Variants in DYM observed in about 807,000 individuals in gnomAD.
DYM encodes dymeclin.
DYM carries 78 observed loss-of-function variants against 93.1 expected under a neutral mutation model. The observed-to-expected ratio is 0.84, with a 90% CI of 0.70 to 1.01. The LOEUF is 1.01. DYM is among the 50% of genes least tolerant of loss of function. The probability of loss-of-function intolerance (pLI) is 0.00; values close to 1 mark genes in which losing one functional copy is unlikely to be tolerated. For synonymous variants in DYM, 321 were observed against 319.7 expected, an observed-to-expected ratio of 1.00 and a Z score of -0.04; for missense variants, 789 against 845.0, an observed-to-expected ratio of 0.93 and a Z score of 0.82.
chr18:49,410,512 C>T (rs961523184), intron 2 of DYM, among the ~76,000 whole-genome samples: 1 of 148,188 alleles, frequency 6.7e-6, no homozygotes, highest in Non-Finnish European at 1.5e-5. Context: ...AACACCACAA[C>T]CTCAAAAAAA....
At chr18:49,092,066 A>G (rs940284357) in intron 17 of DYM, among the ~76,000 whole-genome samples, 1 of 152,218 alleles carries the variant, frequency 6.6e-6, no homozygotes, top group Non-Finnish European at 1.5e-5. Context: ...TGTTTTATCA[A>G]ACTTTCATTT....
chr18:49,144,284 G>A (rs1431656462), intron 15 of DYM, among the ~76,000 whole-genome samples: 1 of 151,086 alleles, frequency 6.6e-6, no homozygotes, highest in Non-Finnish European at 1.5e-5. Context: ...GCTAAATTTA[G>A]AGGCTTGGTC....
At chr18:49,288,219 TAGA>T (rs1795254289) in intron 8 of DYM, among the ~76,000 whole-genome samples, 1 of 152,108 alleles carries the variant, frequency 6.6e-6, no homozygotes. Flanking sequence ...CTATAACTAA[TAGA>T]AGATTTTGGT....
intron 2 of DYM, chr18:49,413,169 T>A (rs768243054): frequency 2.0e-5 from 3 of 152,256 alleles, no homozygotes; most frequent in African/African-American, 4.8e-5. Context: ...AAGGAGACAG[T>A]GTGGCATGAT....
intron 13 of DYM, among the ~76,000 whole-genome samples, chr18:49,254,446 T>C (rs1189612393): frequency 6.6e-6 from 1 of 151,974 alleles, no homozygotes; most frequent in Non-Finnish European, 1.5e-5. Flanking sequence ...GTTATTCATA[T>C]TATGCTAACT....
chr18:49,307,837 T>G (rs1182691685), intron 8 of DYM, among the ~76,000 whole-genome samples: 2 of 152,200 alleles, frequency 1.3e-5, no homozygotes, highest in African/African-American at 4.8e-5. Context: ...CTATGAATCA[T>G]GGAACCAAAA....
At chr18:49,116,513 C>T (rs1443514537) in intron 16 of DYM, 1 of 152,096 alleles carries the variant, frequency 6.6e-6, no homozygotes, top group Admixed American at 6.5e-5. Context: ...TATAAAGTTG[C>T]CTTCATACAG....
intron 2 of DYM, 43 bp from the exon 3 acceptor site, chr18:49,391,688 T>C: frequency 6.7e-7 from 1 of 1,496,076 alleles, no homozygotes; most frequent in Non-Finnish European, 9.3e-7. Context: ...ACTATAATAC[T>C]AAATATGTAC....
intron 2 of DYM, among the ~76,000 whole-genome samples, chr18:49,423,443 G>A (rs1490705099): frequency 6.6e-6 from 1 of 152,138 alleles, no homozygotes; most frequent in Admixed American, 6.5e-5. Context: ...GAGAAAGCAG[G>A]AAAGATCTAA....
At chr18:49,057,483 G>A (rs1026513104) in intron 17 of DYM, among the ~76,000 whole-genome samples, 2 of 152,242 alleles carry the variant, frequency 1.3e-5, no homozygotes, top group Admixed American at 6.5e-5. Flanking sequence ...TGGGAGTCAT[G>A]CTCATTCCCA....
intron 13 of DYM, among the ~76,000 whole-genome samples, chr18:49,215,511 T>C (rs2092991401): frequency 6.6e-6 from 1 of 152,184 alleles, no homozygotes; most frequent in Non-Finnish European, 1.5e-5. Context: ...AGATCCAGGA[T>C]AAACCACTCG....
At chr18:49,346,403 T>C (rs929160669) in intron 6 of DYM, among the ~76,000 whole-genome samples, 2 of 152,168 alleles carry the variant, frequency 1.3e-5, no homozygotes, top group Admixed American at 6.5e-5. Context: ...TTCACTTGCA[T>C]AAAATATCCA....
At chr18:49,219,660 T>A (rs1473283304) in intron 13 of DYM, among the ~76,000 whole-genome samples, 1 of 152,066 alleles carries the variant, frequency 6.6e-6, no homozygotes, top group Non-Finnish European at 1.5e-5. Context: ...AAAAACCACA[T>A]GATTATCTCA....
intron 2 of DYM, among the ~76,000 whole-genome samples, chr18:49,411,449 T>C (rs1020232367): frequency 6.6e-6 from 1 of 152,030 alleles, no homozygotes; most frequent in African/African-American, 2.4e-5. Flanking sequence ...AACTATAGTG[T>C]GGTCGGGAAG....
intron 17 of DYM, among the ~76,000 whole-genome samples, chr18:49,044,601 C>T (rs1224534110): frequency 1.3e-5 from 2 of 152,250 alleles, no homozygotes; most frequent in African/African-American, 2.4e-5. Context: ...GCACTGTCCT[C>T]AGGGTTCCAC....
In DYM at chr18:49,047,657, G is replaced by A. The variant is rs568942300; in HGVS notation, c.2026-3453C>T. Among the ~76,000 whole-genome samples, 18 of 152,230 alleles carry A rather than the reference G, an allele frequency of 1.2e-4. No homozygotes were observed. In the South Asian group the frequency reaches 2.1e-3, roughly 18 times the overall value. ...GGTGTTCCCTAACTGCTGGTGGGGCGGTATCCTAGGGCCTGGAGAGTTTGG... is the reference window on the plus strand; with the variant it reads ...GGTGTTCCCTAACTGCTGGTGGGGCAGTATCCTAGGGCCTGGAGAGTTTGG... On this transcript the variant is annotated intron_variant, in intron 17 of 17. Coordinates refer to ENST00000675505, the MANE Select transcript of DYM (RefSeq NM_001353214.3).
intron 13 of DYM, among the ~76,000 whole-genome samples, chr18:49,239,347 T>C (rs2093959852): frequency 1.3e-5 from 2 of 152,206 alleles, no homozygotes; most frequent in Admixed American, 6.5e-5. Context: ...TTTTCCCAGC[T>C]ACAATAAGCA....
intron 16 of DYM, chr18:49,114,579 G>A: frequency 1.0e-6 from 1 of 985,256 alleles, no homozygotes; most frequent in Non-Finnish European, 1.2e-6. Context: ...TGTTTCAAAT[G>A]GATGTAGTTT....
intron 1 of DYM, among the ~76,000 whole-genome samples, 174 bp from the exon 2 acceptor site, chr18:49,430,621 T>C (rs1950549813): frequency 6.6e-6 from 1 of 152,192 alleles, no homozygotes. Context: ...GCATGGTGAC[T>C]CACGCCTGTA....
Sources: gnomAD v4.1 joint callset for allele counts (sites outside exome capture counted in the v4.1 genomes callset) on GRCh38, gnomAD v4.1.1 for gene constraint, MANE v1.5 for transcripts, NCBI Gene and HGNC (gene_info 2026-07-23, HGNC 2026-07-21) for gene names.